The following LRP6 variants were observed in gnomAD, a reference collection of about 807,000 sequenced individuals.
LRP6 encodes low-density lipoprotein receptor-related protein 6.
A neutral mutation model predicts 184.1 loss-of-function variants in LRP6; 43 were observed. That is an observed-to-expected ratio of 0.23 (90% CI 0.18 to 0.30). The LOEUF (loss-of-function observed/expected upper bound fraction) is 0.30. Ranked by LOEUF, LRP6 falls within the 10% of genes least tolerant of loss-of-function variation. LRP6 has a pLI of 1.00. For missense variants in LRP6, 1,571 were observed against 2,005.3 expected, an observed-to-expected ratio of 0.78 and a Z score of 4.14; for synonymous variants, 719 against 684.9, an observed-to-expected ratio of 1.05 and a Z score of -0.78.
chr12:12,255,368 T>C (rs1865434818), intron 1 of LRP6, among the ~76,000 whole-genome samples: 2 of 151,998 alleles, frequency 1.3e-5, no homozygotes, highest in Non-Finnish European at 2.9e-5. Flanking sequence ...CCCTACCTAT[T>C]TGGCCCACAT....
At chr12:12,227,397 A>C (rs1864655789) in intron 2 of LRP6, among the ~76,000 whole-genome samples, 1 of 151,838 alleles carries the variant, frequency 6.6e-6, no homozygotes, top group Non-Finnish European at 1.5e-5. Context: ...GTAAAATAAA[A>C]ACTTTCTTTT....
intron 2 of LRP6, among the ~76,000 whole-genome samples, chr12:12,242,854 C>T (rs1313823724): frequency 6.6e-6 from 1 of 152,056 alleles, no homozygotes; most frequent in East Asian, 1.9e-4. Context: ...TCAGTCTTCT[C>T]ATTTTTCTAC....
intron 1 of LRP6, among the ~76,000 whole-genome samples, chr12:12,256,153 T>C (rs1865459284): frequency 6.6e-6 from 1 of 152,200 alleles, no homozygotes; most frequent in Non-Finnish European, 1.5e-5. Flanking sequence ...TTACTCTAGA[T>C]ATGAATTTAG....
chr12:12,184,481 G>A (rs941754026), intron 4 of LRP6, among the ~76,000 whole-genome samples: 3 of 152,110 alleles, frequency 2.0e-5, no homozygotes, highest in African/African-American at 4.8e-5. Context: ...GAAAAAAACC[G>A]CTGAGGTTTA....
intron 1 of LRP6, among the ~76,000 whole-genome samples, chr12:12,244,909 T>G (rs1414757577): frequency 6.6e-6 from 1 of 152,164 alleles, no homozygotes; most frequent in Non-Finnish European, 1.5e-5. Context: ...CAGATAAAAT[T>G]TTAAAGCCTG....
rs764126883 is a variant in LRP6, at chr12:12,203,153, A to C, written c.647+50T>G. ...TAAAATTAGGCTTTGTAATGTATCA[A>C]GGCTTCATCGAGTTTTCTTAAAAGT... On this transcript the variant is annotated intron_variant, in intron 3 of 22. Transcript: ENST00000261349. 3.0e-6 allele frequency: 4 copies of C among 1,334,350 alleles called. No individual in the cohort carries two copies. In the African/African-American group the frequency reaches 5.9e-5, roughly 20 times the overall value. 82.7% of individuals were successfully genotyped at this position (1,334,350 alleles called of 1,614,324 possible).
intron 22 of LRP6, among the ~76,000 whole-genome samples, chr12:12,124,139 C>T (rs965342639): frequency 1.3e-5 from 2 of 151,820 alleles, no homozygotes; most frequent in Non-Finnish European, 2.9e-5. Context: ...TTTGGGAGGC[C>T]AAGGCAGGCG....
chr12:12,187,361 C>T, intron 3 of LRP6: 1 of 523,422 alleles, frequency 1.9e-6, no homozygotes, highest in East Asian at 3.5e-5. Flanking sequence ...GCAGCAGCCT[C>T]AAGTTCAGTA....
At chr12:12,145,606 C>T (rs1327293196) in intron 15 of LRP6, among the ~76,000 whole-genome samples, 3 of 131,490 alleles carry the variant, frequency 2.3e-5, no homozygotes, top group Non-Finnish European at 4.7e-5. Flanking sequence ...TGAGATCCCA[C>T]ATTTCTTTTT....
intron 1 of LRP6, among the ~76,000 whole-genome samples, chr12:12,253,323 CT>C (rs1436535191): frequency 6.6e-6 from 1 of 151,922 alleles, no homozygotes; most frequent in African/African-American, 2.4e-5. Flanking sequence ...TTGTCTAACA[CT>C]TTTTTGGGTT....
In LRP6 at chr12:12,266,749, G is replaced by A. The variant is rs932745516; in HGVS notation, c.-14C>T. ...GACGGCCCCCATCTTCCCTTCTCGCGTTCTCTTCTCTCACCGGCGAGGGGT... is the reference window on the plus strand; with the variant it reads ...GACGGCCCCCATCTTCCCTTCTCGCATTCTCTTCTCTCACCGGCGAGGGGT... On this transcript the variant is annotated 5_prime_UTR_variant, in exon 1 of 23. In the 5' UTR this introduces an upstream ATG that the reference lacks. Transcript: ENST00000261349. 5 of 1,611,196 alleles carry A rather than the reference G, an allele frequency of 3.1e-6. No homozygotes were observed. Among genetic ancestry groups the A allele is most frequent in the Admixed American group, 3.3e-5 (2 of 59,896 alleles).
chr12:12,197,952 G>A (rs1388798725), intron 3 of LRP6, among the ~76,000 whole-genome samples: 3 of 152,202 alleles, frequency 2.0e-5, no homozygotes, highest in East Asian at 1.9e-4. Context: ...GCTCAAGGTG[G>A]GAGGATAGCT....
intron 2 of LRP6, among the ~76,000 whole-genome samples, chr12:12,232,033 C>G (rs540747365): frequency 7.0e-6 from 1 of 142,148 alleles, no homozygotes; most frequent in African/African-American, 2.5e-5. Flanking sequence ...AAAAACAAAA[C>G]TCAAACTTCA....
At chr12:12,145,736 A>G (rs1949998430) in intron 15 of LRP6, among the ~76,000 whole-genome samples, 1 of 147,080 alleles carries the variant, frequency 6.8e-6, no homozygotes, top group African/African-American at 2.5e-5. Flanking sequence ...TGTTCAAGCG[A>G]TTCTCCTGCC....
rs1381239537 is a variant in LRP6 at position 12,266,745 on chromosome 12, T to C, written c.-10A>G. The C allele has an allele frequency of 9.3e-6, 15 of 1,611,702 alleles. No individual in the cohort carries two copies. Among genetic ancestry groups the C allele is most frequent in the South Asian group, 1.1e-5 (1 of 90,602 alleles). On this transcript the variant is annotated 5_prime_UTR_variant, in exon 1 of 23. Coordinates refer to ENST00000261349, the MANE Select transcript of LRP6 (RefSeq NM_002336.3). ...TCAGGACGGCCCCCATCTTCCCTTC[T>C]CGCGTTCTCTTCTCTCACCGGCGAG...
chr12:12,192,324 C>T (rs1373410951), intron 3 of LRP6, among the ~76,000 whole-genome samples: 2 of 150,704 alleles, frequency 1.3e-5, no homozygotes, highest in Non-Finnish European at 3.0e-5. Flanking sequence ...CAAAATGACA[C>T]ACCAGAAAAT....
intron 5 of LRP6, among the ~76,000 whole-genome samples, chr12:12,183,192 A>G (rs1863385020): frequency 1.3e-5 from 2 of 152,130 alleles, no homozygotes; most frequent in Admixed American, 1.3e-4. Context: ...ACACACTCCA[A>G]AACACAGGCT....
Position 12,258,371 on chromosome 12 carries a change from G to C in LRP6, c.55+8310C>G, listed in dbSNP as rs114524513. On this transcript the variant is annotated intron_variant, in intron 1 of 22. Transcript: ENST00000261349. ...CTCGCCTTGGCCTCCTAAAGAGATG[G>C]GATTACAGGTGTGAGCCACCATGAC... 2.9e-3 allele frequency among the ~76,000 whole-genome samples: 438 copies of C among 152,140 alleles called. 3 individuals carry two copies. The highest frequency in any genetic ancestry group is 9.9e-3 in the African/African-American group (410 of 41,518).
intron 2 of LRP6, among the ~76,000 whole-genome samples, chr12:12,232,324 C>A (rs1249042575): frequency 6.7e-6 from 1 of 149,884 alleles, no homozygotes; most frequent in Non-Finnish European, 1.5e-5. Flanking sequence ...GCAGAGCCTG[C>A]AGTGAGCCGA....
Sources: gnomAD v4.1 joint callset for allele counts (sites outside exome capture counted in the v4.1 genomes callset) on GRCh38, gnomAD v4.1.1 for gene constraint, MANE v1.5 for transcripts, NCBI Gene and HGNC (gene_info 2026-07-23, HGNC 2026-07-21) for gene names.